Variants in UBXN7 observed in about 807,000 individuals in gnomAD.
UBXN7 encodes UBX domain protein 7.
A neutral mutation model predicts 58.0 loss-of-function variants in UBXN7; 9 were observed. The ratio of observed to expected loss-of-function variants is 0.16; its 90% CI spans 0.09 to 0.27. The LOEUF is 0.27. Ranked by LOEUF, UBXN7 falls within the 10% of genes least tolerant of loss-of-function variation. The pLI is 1.00. For missense variants in UBXN7, 328 were observed against 599.6 expected, an observed-to-expected ratio of 0.55 and a Z score of 4.73; for synonymous variants, 208 against 205.0, an observed-to-expected ratio of 1.01 and a Z score of -0.12.
chr3:196,380,810 G>A (rs1729183817), intron 5 of UBXN7, among the ~76,000 whole-genome samples: 1 of 152,228 alleles, frequency 6.6e-6, no homozygotes, highest in Non-Finnish European at 1.5e-5. Context: ...CTTAGCAACT[G>A]GCAGGCAAGG....
chr3:196,404,498 G>A (rs1392064987), intron 2 of UBXN7, among the ~76,000 whole-genome samples: 2 of 152,044 alleles, frequency 1.3e-5, no homozygotes, highest in Non-Finnish European at 2.9e-5. Flanking sequence ...TCCTGACCTC[G>A]TGATCCGCCC....
chr3:196,397,163 A>T (rs1425846664), intron 3 of UBXN7, among the ~76,000 whole-genome samples: 2 of 152,198 alleles, frequency 1.3e-5, no homozygotes, highest in Non-Finnish European at 2.9e-5. Context: ...TGCCACAAGG[A>T]AACATCAGTC....
chr3:196,359,761 T>C (rs1728455433), intron 10 of UBXN7, among the ~76,000 whole-genome samples: 1 of 151,922 alleles, frequency 6.6e-6, no homozygotes, highest in Admixed American at 6.6e-5. Flanking sequence ...AAAAGTTAGC[T>C]GGGCGTGGTG....
Position 196,432,328 on chromosome 3 carries a change from G to A in UBXN7, c.72C>T (p.Thr24=). The A allele has an allele frequency of 2.5e-6, 4 of 1,613,158 alleles. No individual in the cohort carries two copies. Among genetic ancestry groups the A allele is most frequent in the Non-Finnish European group, 3.4e-6 (4 of 1,179,730 alleles). Residue 24 remains threonine (T), a splice_region_variant and synonymous_variant, in exon 1 of 11, where the codon ACC becomes ACT. Coordinates refer to ENST00000296328, the MANE Select transcript of UBXN7 (RefSeq NM_015562.2). ...CCTTCCGGTAACCGCGTCTCTTACC[G>A]GTAATGGTGGTGAACTGTTGAATTA... ...KGLIQQFTTI[T]GASESVGKHM... is the part of the protein sequence containing the mutation.
chr3:196,419,327 A>G (rs555314589), intron 1 of UBXN7, among the ~76,000 whole-genome samples: 1 of 152,004 alleles, frequency 6.6e-6, no homozygotes, highest in African/African-American at 2.4e-5. Context: ...TAAATAAACA[A>G]TGTGACAGGA....
chr3:196,368,481 T>C (rs1048291067), intron 7 of UBXN7, among the ~76,000 whole-genome samples: 1 of 152,210 alleles, frequency 6.6e-6, no homozygotes, highest in African/African-American at 2.4e-5. Context: ...AAATATAATA[T>C]CTAGGATCTT....
intron 5 of UBXN7, among the ~76,000 whole-genome samples, chr3:196,384,313 C>T (rs1229193316): frequency 3.3e-5 from 5 of 152,200 alleles, no homozygotes; most frequent in Admixed American, 6.5e-5. Flanking sequence ...AATTAACAGC[C>T]TAACAACCAA....
chr3:196,352,777 A>T lies in UBXN7; in HGVS notation c.*3908T>A, dbSNP rs571553162. The stretch of plus-strand genomic sequence containing the variant: ...AGGAGGCCGAGGTGGGCGGAACACG[A>T]GATCAAGAGATCGAGACCATCCTGG... On this transcript the variant is annotated 3_prime_UTR_variant, in exon 11 of 11. Coordinates refer to ENST00000296328, the MANE Select transcript of UBXN7 (RefSeq NM_015562.2). This position sits in a 1 kb window ranked among gnomAD's most constrained non-coding sequence, Gnocchi z 4.1. 1.1e-4 allele frequency: 17 copies of T among 152,112 alleles called. No individual in the cohort carries two copies. The highest frequency in any genetic ancestry group is 4.1e-4 in the African/African-American group (17 of 41,510). 9.4% of individuals were successfully genotyped at this position (152,112 alleles called of 1,614,324 possible).
chr3:196,404,281 GAGAC>G (rs1730088675), intron 2 of UBXN7, among the ~76,000 whole-genome samples: 1 of 39,920 alleles, frequency 2.5e-5, no homozygotes, highest in Non-Finnish European at 5.1e-5. Context: ...TTTTTTTTTT[GAGAC>G]GGAGTCTCAC....
chr3:196,360,463 C>T (rs2108826497), intron 10 of UBXN7, among the ~76,000 whole-genome samples: 1 of 152,278 alleles, frequency 6.6e-6, no homozygotes, highest in South Asian at 2.1e-4. Flanking sequence ...TATGTTAAAT[C>T]TACTCTGTCT....
intron 2 of UBXN7, 39 bp from the exon 3 acceptor site, chr3:196,403,058 T>C: frequency 6.4e-7 from 1 of 1,554,102 alleles, no homozygotes; most frequent in East Asian, 2.3e-5. Context: ...ATGAAAACTG[T>C]TTTCTGCTAC....
intron 1 of UBXN7, 188 bp downstream of exon 1, chr3:196,432,139 C>CT: frequency 1.4e-6 from 1 of 722,642 alleles, no homozygotes. Context: ...GTATCGGGAG[C>CT]GGGGGGGGGC....
chr3:196,432,201 G>A (rs888854665), intron 1 of UBXN7, 126 bp downstream of exon 1: 4 of 1,358,784 alleles, frequency 2.9e-6, no homozygotes, highest in African/African-American at 2.9e-5. Context: ...CTCTTCCTCA[G>A]GAGGGAGGAC....
At chr3:196,364,025 C>G (rs1440639964) in intron 8 of UBXN7, among the ~76,000 whole-genome samples, 1 of 151,922 alleles carries the variant, frequency 6.6e-6, no homozygotes, top group African/African-American at 2.4e-5. Context: ...GTCAAAACAC[C>G]ATTCTTTAAA....
intron 4 of UBXN7, among the ~76,000 whole-genome samples, chr3:196,393,339 A>G (rs1729642733): frequency 6.6e-6 from 1 of 152,226 alleles, no homozygotes; most frequent in Non-Finnish European, 1.5e-5. Context: ...CATATTTCCT[A>G]CATTATCTCC....
intron 5 of UBXN7, among the ~76,000 whole-genome samples, chr3:196,381,569 A>G (rs548589415): frequency 6.6e-6 from 1 of 152,332 alleles, no homozygotes; most frequent in South Asian, 2.1e-4. Flanking sequence ...TAAAAATCAG[A>G]GCGCCTCTTC....
At chr3:196,414,417 G>A (rs1003004887) in intron 1 of UBXN7, among the ~76,000 whole-genome samples, 12 of 152,144 alleles carry the variant, frequency 7.9e-5, no homozygotes, top group African/African-American at 2.9e-4. Context: ...TATTTCAACA[G>A]TTCTGTATTG....
chr3:196,376,562 A>G (rs1394984068), intron 5 of UBXN7, among the ~76,000 whole-genome samples: 3 of 150,472 alleles, frequency 2.0e-5, no homozygotes, highest in Non-Finnish European at 4.4e-5. Context: ...AAAAAAAAAA[A>G]AAAAAAGAAA....
rs544187085 is a variant in UBXN7, at chr3:196,426,590, G to A, written c.73+5737C>T. On this transcript the variant is annotated intron_variant, in intron 1 of 10. Transcript: ENST00000296328. The stretch of plus-strand genomic sequence containing the variant: ...GAGGCCAGGCGCGGTGGTTCACACC[G>A]GTAATCCCAGCACTTTGGGAGGTCG... 1.3e-4 allele frequency among the ~76,000 whole-genome samples: 19 copies of A among 151,440 alleles called. No homozygotes were observed. The East Asian group carries it at 2.2e-3, about 17-fold the overall frequency.
Sources: gnomAD v4.1 joint callset for allele counts (sites outside exome capture counted in the v4.1 genomes callset) on GRCh38, gnomAD v4.1.1 for gene constraint, Gnocchi (gnomAD v3.1) non-coding constraint, MANE v1.5 for transcripts, NCBI Gene and HGNC (gene_info 2026-07-23, HGNC 2026-07-21) for gene names.